The following UBA5 variants were observed in gnomAD, a reference collection of about 807,000 sequenced individuals.
UBA5 encodes the protein ubiquitin like modifier activating enzyme 5, also known as ubiquitin-like modifier-activating enzyme 5.
A neutral mutation model predicts 52.9 loss-of-function variants in UBA5; 28 were observed. That is an observed-to-expected ratio of 0.53 (90% CI 0.39 to 0.73). The LOEUF is 0.73. UBA5 is among the 30% of genes least tolerant of loss of function. The pLI, the probability that UBA5 is intolerant of heterozygous loss-of-function variation, is 0.00. For missense variants in UBA5, 388 were observed against 492.7 expected (o/e 0.79, Z 2.01); for synonymous variants, 135 against 162.1 (o/e 0.83, Z 1.27).
intron 3 of UBA5, chr3:132,667,412 A>AGTCTGGG (rs1938423051): frequency 1.2e-4 from 18 of 152,166 alleles, no homozygotes; most frequent in Admixed American, 2.0e-4. Flanking sequence ...CCCCATAATA[A>AGTCTGGG]GTGTCTCTGG....
At chr3:132,665,909 G>A (rs1385769457) in intron 2 of UBA5, 41 bp downstream of exon 2, 1 of 1,611,060 alleles carries the variant, frequency 6.2e-7, no homozygotes. Context: ...GATTAATTCA[G>A]TAAATTAAAA....
chr3:132,670,926 T>G (rs750360615), intron 5 of UBA5, 39 bp from the exon 6 acceptor site: 1 of 1,465,212 alleles, frequency 6.8e-7, no homozygotes, highest in East Asian at 2.3e-5. Flanking sequence ...GAGTGTATTT[T>G]GTGTCCTGAT....
At position 132,676,967 on chromosome 3, in the gene UBA5, G is replaced by T. The variant is rs1058331; in HGVS notation, c.*441G>T. ...TATTGATTAGAGCTGGCAAGCATCTGCTCATTATGTTTGGAATTGCTTTCT... is the reference window on the plus strand; with the variant it reads ...TATTGATTAGAGCTGGCAAGCATCTTCTCATTATGTTTGGAATTGCTTTCT... On this transcript the variant is annotated 3_prime_UTR_variant, in exon 12 of 12. Transcript: ENST00000356232. This position sits in a 1 kb window ranked among gnomAD's most constrained non-coding sequence, Gnocchi z 4.1. The T allele has an allele frequency of 0.15, 60,895 of 407,426 alleles. 6,101 individuals are homozygous for T. Among genetic ancestry groups the T allele is most frequent in the East Asian group, 0.58 (8,042 of 13,814 alleles). The allele number at this position is 407,426 out of a possible 1,614,324, so 25.2% of individuals were successfully genotyped here.
Position 132,670,709 on chromosome 3 carries a change from T to C in UBA5, c.495-256T>C, listed in dbSNP as rs1378809. On this transcript the variant is annotated intron_variant, in intron 5 of 11. Coordinates refer to ENST00000356232, the MANE Select transcript of UBA5 (RefSeq NM_024818.6). ...AGTGAAAAAATAACTGTTGTGAACATACTTTATACTTCCTTCACCCTTGTA... is the reference window on the plus strand; with the variant it reads ...AGTGAAAAAATAACTGTTGTGAACACACTTTATACTTCCTTCACCCTTGTA... 2,385 of 273,266 alleles carry C rather than the reference T, an allele frequency of 8.7e-3. 70 individuals are homozygous for C. The highest frequency in any genetic ancestry group is 0.05 in the African/African-American group (2,237 of 44,850). The allele number at this position is 273,266 out of a possible 1,614,324, so 16.9% of individuals were successfully genotyped here. A position where few individuals can be genotyped will look rare whatever the true frequency, so the allele number is the denominator to read the frequency against.
At position 132,676,556 on chromosome 3, in the gene UBA5, A is replaced by T; in HGVS notation, c.*30A>T. 1.3e-6 allele frequency: 2 copies of T among 1,519,548 alleles called. No homozygotes were observed. Among genetic ancestry groups the T allele is most frequent in the Non-Finnish European group, 1.8e-6 (2 of 1,115,254 alleles). 94.1% of individuals were successfully genotyped at this position (1,519,548 alleles called of 1,614,324 possible). A position where few individuals can be genotyped will look rare whatever the true frequency, so the allele number is the denominator to read the frequency against. On this transcript the variant is annotated 3_prime_UTR_variant, in exon 12 of 12. Transcript: ENST00000356232. This position sits in a 1 kb window ranked among gnomAD's most constrained non-coding sequence, Gnocchi z 4.1. ...TGGACTGGGATATATTGTATTTCTC[A>T]TGTTAAAGCCTCTTCCCTTGAAATT...
chr3:132,662,195 A>G (rs572966309), intron 1 of UBA5, among the ~76,000 whole-genome samples: 2 of 152,366 alleles, frequency 1.3e-5, no homozygotes, highest in South Asian at 4.1e-4. Flanking sequence ...CATTGACTTT[A>G]TTAAAATTGC....
chr3:132,656,165 C>T (rs1210830520), upstream of UBA5, among the ~76,000 whole-genome samples: 1 of 152,150 alleles, frequency 6.6e-6, no homozygotes, highest in African/African-American at 2.4e-5. Context: ...GTAGCTGAAT[C>T]ATTTTCACTG....
chr3:132,675,412 G>C, intron 9 of UBA5, 29 bp downstream of exon 9: 4 of 1,610,248 alleles, frequency 2.5e-6, no homozygotes, highest in Non-Finnish European at 3.4e-6. Context: ...GAATGCATGA[G>C]GGATCATATT....
rs552184209 is a variant in UBA5 at position 132,676,374 on chromosome 3, T to A, written c.1132-69T>A. ...TTGAGCATGGTCAAAACTTGCTGAT[T>A]ATATATTCCTAAGCATCAAGAATTC... On this transcript the variant is annotated intron_variant, in intron 11 of 11. Transcript: ENST00000356232. This position sits in a 1 kb window ranked among gnomAD's most constrained non-coding sequence, Gnocchi z 4.1. 3.7e-5 allele frequency: 46 copies of A among 1,253,774 alleles called. No individual in the cohort carries two copies. In the African/African-American group the frequency reaches 4.9e-4, roughly 13 times the overall value. The allele number at this position is 1,253,774 out of a possible 1,614,324, so 77.7% of individuals were successfully genotyped here. A position where few individuals can be genotyped will look rare whatever the true frequency, so the allele number is the denominator to read the frequency against.
intron 1 of UBA5, among the ~76,000 whole-genome samples, chr3:132,664,101 C>G (rs1040906032): frequency 4.6e-5 from 7 of 152,060 alleles, no homozygotes; most frequent in Non-Finnish European, 1.0e-4. Context: ...ACAAACCAAA[C>G]AAGGAAGTAA....
chr3:132,665,697 C>T, intron 1 of UBA5, 126 bp from the exon 2 acceptor site: 1 of 939,534 alleles, frequency 1.1e-6, no homozygotes, highest in South Asian at 1.7e-5. Context: ...TGTAAGCATC[C>T]TCCTCTTTGA....
At position 132,660,710 on chromosome 3, in the gene UBA5, C is replaced by T. The variant is rs376042625; in HGVS notation, c.161+12C>T. 1 of 1,531,164 alleles carries T rather than the reference C, an allele frequency of 6.5e-7. No individual in the cohort carries two copies. The highest frequency in any genetic ancestry group is 2.4e-5 in the East Asian group (1 of 41,242). The allele number at this position is 1,531,164 out of a possible 1,614,324, so 94.8% of individuals were successfully genotyped here. A position where few individuals can be genotyped will look rare whatever the true frequency, so the allele number is the denominator to read the frequency against. On this transcript the variant is annotated intron_variant, in intron 1 of 11. Coordinates refer to ENST00000356232, the MANE Select transcript of UBA5 (RefSeq NM_024818.6). The surrounding 1 kb of genome is among the most constrained non-coding windows in gnomAD (Gnocchi z 4.1). ...TCGAATCCCTACAGGTAACCTGCGT[C>T]GCCGGTCGGAGGCAGGCGCGGGGGA...
At position 132,660,958 on chromosome 3, in the gene UBA5, C is replaced by T; in HGVS notation, c.161+260C>T. 1 of 1,490,650 alleles carries T rather than the reference C, an allele frequency of 6.7e-7. No homozygotes were observed. Among genetic ancestry groups the T allele is most frequent in the Non-Finnish European group, 8.9e-7 (1 of 1,119,254 alleles). The allele number at this position is 1,490,650 out of a possible 1,614,324, so 92.3% of individuals were successfully genotyped here. A position where few individuals can be genotyped will look rare whatever the true frequency, so the allele number is the denominator to read the frequency against. Reference sequence around the variant, plus strand: ...TGAGGACGTGTGTCCAGTTTCCTATCACCCTTGCCTCTTAATTAGTCCGCC... The same window carrying T: ...TGAGGACGTGTGTCCAGTTTCCTATTACCCTTGCCTCTTAATTAGTCCGCC... On this transcript the variant is annotated intron_variant, in intron 1 of 11. Transcript: ENST00000356232. This position sits in a 1 kb window ranked among gnomAD's most constrained non-coding sequence, Gnocchi z 4.1.
Position 132,660,772 on chromosome 3 carries a change from T to C in UBA5, c.161+74T>C. 1.4e-6 allele frequency: 2 copies of C among 1,453,296 alleles called. No individual in the cohort carries two copies. Among genetic ancestry groups the C allele is most frequent in the Non-Finnish European group, 9.1e-7 (1 of 1,100,470 alleles). 90.0% of individuals were successfully genotyped at this position (1,453,296 alleles called of 1,614,324 possible). A position where few individuals can be genotyped will look rare whatever the true frequency, so the allele number is the denominator to read the frequency against. Reference sequence around the variant, plus strand: ...TCCGTGAGGTCAGAAGTGAGGCGCTTCCCACGTCCCGCTCATGGGGACGCC... The same window carrying C: ...TCCGTGAGGTCAGAAGTGAGGCGCTCCCCACGTCCCGCTCATGGGGACGCC... On this transcript the variant is annotated intron_variant, in intron 1 of 11. Coordinates refer to ENST00000356232, the MANE Select transcript of UBA5 (RefSeq NM_024818.6). This position sits in a 1 kb window ranked among gnomAD's most constrained non-coding sequence, Gnocchi z 4.1.
At chr3:132,670,731 T>G (rs977519910) in intron 5 of UBA5, 3 of 310,566 alleles carry the variant, frequency 9.7e-6, no homozygotes, top group Non-Finnish European at 1.8e-5. Context: ...CCTTCACCCT[T>G]GTAGTTCTTG....
rs1478520582 is a variant in UBA5 at position 132,679,772 on chromosome 3, G to A, written c.*3246G>A. 6.6e-6 allele frequency among the ~76,000 whole-genome samples: 1 copy of A among 151,964 alleles called. No homozygotes were observed. Among genetic ancestry groups the A allele is most frequent in the Non-Finnish European group, 1.5e-5 (1 of 68,024 alleles). On this transcript the variant is annotated 3_prime_UTR_variant, in exon 12 of 12. Transcript: ENST00000356232. ...GTACCACTAAATAATCAAATTCTAA[G>A]CTCTAACAGCTTAATTCTAAAATCA...
chr3:132,669,985 TCA>T (rs1422105689), intron 4 of UBA5, among the ~76,000 whole-genome samples: 4 of 152,208 alleles, frequency 2.6e-5, no homozygotes, highest in Non-Finnish European at 4.4e-5. Flanking sequence ...TCTCTTTTCC[TCA>T]CAGTTTTTTC....
At chr3:132,657,425 C>T (rs1368074789), upstream of UBA5, among the ~76,000 whole-genome samples, 1 of 152,122 alleles carries the variant, frequency 6.6e-6, no homozygotes, top group Non-Finnish European at 1.5e-5. Context: ...TAGCCCTTCG[C>T]TCTTACACAT....
chr3:132,658,311 T>G (rs1016638552), upstream of UBA5, among the ~76,000 whole-genome samples: 3 of 152,242 alleles, frequency 2.0e-5, no homozygotes, highest in Admixed American at 1.3e-4. Flanking sequence ...TCCATATATA[T>G]TTATTAAACC....
Sources: allele counts gnomAD v4.1 joint callset (sites outside exome capture counted in the v4.1 genomes callset), GRCh38; gene constraint gnomAD v4.1.1; non-coding constraint Gnocchi (gnomAD v3.1); transcripts MANE v1.5; gene names NCBI Gene and HGNC (gene_info 2026-07-23, HGNC 2026-07-21).